The following EGFR variants were observed in gnomAD, a reference collection of about 807,000 sequenced individuals.
EGFR encodes avian erythroblastic leukemia viral (v-erb-b) oncogene homolog.
A neutral mutation model predicts 143.0 loss-of-function variants in EGFR; 58 were observed. The observed-to-expected ratio is 0.41, with a 90% CI of 0.33 to 0.50. The LOEUF (loss-of-function observed/expected upper bound fraction) is 0.50, where lower values mean the gene tolerates loss of function less well. Ranked by LOEUF, EGFR falls within the 20% of genes least tolerant of loss-of-function variation. The probability of loss-of-function intolerance (pLI) is 0.39; values close to 1 mark genes in which losing one functional copy is unlikely to be tolerated. For synonymous variants in EGFR, 613 were observed against 594.4 expected (o/e 1.03, Z -0.45); for missense variants, 1,307 against 1,579.0 (o/e 0.83, Z 2.92).
chr7:55,151,167 AC>A, intron 4 of EGFR, 126 bp from the exon 5 acceptor site: 1 of 963,324 alleles, frequency 1.0e-6, no homozygotes, highest in South Asian at 1.3e-5. Flanking sequence ...AGCCAGCCAA[AC>A]AATCAGAGAA....
At chr7:55,033,426 C>T (rs1787378106) in intron 1 of EGFR, among the ~76,000 whole-genome samples, 1 of 152,126 alleles carries the variant, frequency 6.6e-6, no homozygotes. Flanking sequence ...CTCAGGGCCC[C>T]CTGGGGACTG....
At chr7:55,156,136 G>C (rs1006103323) in intron 8 of EGFR, among the ~76,000 whole-genome samples, 190 bp downstream of exon 8, 19 of 152,234 alleles carry the variant, frequency 1.2e-4, no homozygotes, top group African/African-American at 4.6e-4. Flanking sequence ...TTGTGACGGG[G>C]TGGGGGGCTC....
intron 1 of EGFR, among the ~76,000 whole-genome samples, chr7:55,079,559 T>C (rs1192337077): frequency 6.6e-6 from 1 of 151,940 alleles, no homozygotes; most frequent in African/African-American, 2.4e-5. Context: ...CATTTTGAGA[T>C]TTTGTTCAGC....
At chr7:55,070,650 G>A (rs968925441) in intron 1 of EGFR, among the ~76,000 whole-genome samples, 8 of 152,204 alleles carry the variant, frequency 5.3e-5, no homozygotes, top group Non-Finnish European at 8.8e-5. Context: ...GTGCGCAGGC[G>A]ATTATTTGCA....
rs144700305 is a variant in EGFR at position 55,129,537 on chromosome 7, T to C, written c.89-12749T>C. Among the ~76,000 whole-genome samples, 1,310 of 152,184 alleles carry C rather than the reference T, an allele frequency of 8.6e-3. 15 individuals carry two copies. Among genetic ancestry groups the C allele is most frequent in the Non-Finnish European group, 0.014 (965 of 68,010 alleles). ...TGGTCCAGGAGGAGTGGACAACCATTTGGTAGAGTATGGGAAGGCAGGGGC... is the reference window on the plus strand; with the variant it reads ...TGGTCCAGGAGGAGTGGACAACCATCTGGTAGAGTATGGGAAGGCAGGGGC... On this transcript the variant is annotated intron_variant, in intron 1 of 27. Coordinates refer to ENST00000275493, the MANE Select transcript of EGFR (RefSeq NM_005228.5).
intron 1 of EGFR, among the ~76,000 whole-genome samples, chr7:55,092,635 C>A (rs1328749445): frequency 6.6e-6 from 1 of 152,202 alleles, no homozygotes; most frequent in African/African-American, 2.4e-5. Context: ...AACAAAATAG[C>A]TTTATGGAAT....
intron 21 of EGFR, among the ~76,000 whole-genome samples, chr7:55,192,423 A>G (rs1166476188): frequency 6.6e-6 from 1 of 151,834 alleles, no homozygotes; most frequent in Non-Finnish European, 1.5e-5. Flanking sequence ...CTGAGGTTTC[A>G]CTCTGGCCTG....
intron 1 of EGFR, among the ~76,000 whole-genome samples, chr7:55,032,133 G>A (rs1040174328): frequency 1.3e-5 from 2 of 152,140 alleles, no homozygotes; most frequent in Non-Finnish European, 2.9e-5. Flanking sequence ...TCTCACAATC[G>A]CCCTATGTCC....
Position 55,205,513 on chromosome 7 carries a change from T to C in EGFR, c.3529T>C (p.Phe1177Leu), listed in dbSNP as rs1788074933. Residue 1177 changes from phenylalanine (F) to leucine (L), a missense_variant, in exon 28 of 28, where the codon TTT becomes CTT. Physicochemically the swap from Phe to Leu is conservative, Grantham distance 22. Transcript: ENST00000275493. ...LDNPDYQQDF[F>L]PKEAKPNGIF... ...CAACCCTGACTACCAGCAGGACTTC[T>C]TTCCCAAGGAAGCCAAGCCAAATGG... 1.9e-6 allele frequency: 3 copies of C among 1,614,204 alleles called. No individual in the cohort carries two copies. Among genetic ancestry groups the C allele is most frequent in the Non-Finnish European group, 1.7e-6 (2 of 1,180,034 alleles).
chr7:55,073,424 A>G (rs1349542919), intron 1 of EGFR, among the ~76,000 whole-genome samples: 2 of 152,206 alleles, frequency 1.3e-5, no homozygotes, highest in Non-Finnish European at 2.9e-5. Context: ...CATGCTGGAA[A>G]GGCTTCTGCA....
intron 19 of EGFR, among the ~76,000 whole-genome samples, chr7:55,175,552 G>C (rs1235544323): frequency 1.3e-5 from 2 of 152,222 alleles, no homozygotes; most frequent in Non-Finnish European, 2.9e-5. Flanking sequence ...TGGGCTTGCT[G>C]TGAGTTGGTG....
intron 1 of EGFR, among the ~76,000 whole-genome samples, chr7:55,095,699 A>T (rs1350459320): frequency 6.9e-6 from 1 of 145,482 alleles, no homozygotes; most frequent in Admixed American, 7.1e-5. Context: ...ACACACGCAC[A>T]CAGCACACAG....
chr7:55,035,301 C>A (rs1787493276), intron 1 of EGFR, among the ~76,000 whole-genome samples: 2 of 152,046 alleles, frequency 1.3e-5, no homozygotes, highest in African/African-American at 4.8e-5. Flanking sequence ...ATATTTTGAT[C>A]TTATTTTTTC....
intron 1 of EGFR, among the ~76,000 whole-genome samples, chr7:55,028,714 C>T (rs1411083276): frequency 6.6e-6 from 1 of 152,102 alleles, no homozygotes; most frequent in Non-Finnish European, 1.5e-5. Flanking sequence ...CTTGCAAGAT[C>T]TAATGGCTCC....
chr7:55,040,453 G>A (rs1167551289), intron 1 of EGFR, among the ~76,000 whole-genome samples: 1 of 152,100 alleles, frequency 6.6e-6, no homozygotes, highest in African/African-American at 2.4e-5. Flanking sequence ...TTAGCAAGGA[G>A]CTTTGGTTAA....
At position 55,160,169 on chromosome 7, in the gene EGFR, G is replaced by T. The variant is rs2128941351; in HGVS notation, c.1329G>T (p.Leu443=). 1 of 1,614,172 alleles carries T rather than the reference G, an allele frequency of 6.2e-7. No homozygotes were observed. Among genetic ancestry groups the T allele is most frequent in the South Asian group, 1.1e-5 (1 of 91,072 alleles). ...HGQFSLAVVS[L]NITSLGLRSL... is the part of the protein sequence containing the mutation. ...AGTTTTCTCTTGCAGTCGTCAGCCTGAACATAACATCCTTGGGATTACGCT... is the reference window on the plus strand; with the variant it reads ...AGTTTTCTCTTGCAGTCGTCAGCCTTAACATAACATCCTTGGGATTACGCT... Residue 443 remains leucine, a synonymous_variant, in exon 12 of 28, where the codon CTG becomes CTT. Coordinates refer to ENST00000275493, the MANE Select transcript of EGFR (RefSeq NM_005228.5).
At chr7:55,158,355 G>A (rs1014834926) in intron 11 of EGFR, among the ~76,000 whole-genome samples, 2 of 152,114 alleles carry the variant, frequency 1.3e-5, no homozygotes. Context: ...AGTGAAACCC[G>A]CCTTGGAAGC....
chr7:55,021,294 C>T (rs1328073510), intron 1 of EGFR, among the ~76,000 whole-genome samples: 1 of 152,158 alleles, frequency 6.6e-6, no homozygotes, highest in Non-Finnish European at 1.5e-5. Context: ...GACTGCCGGT[C>T]CTGTTAGTCA....
chr7:55,061,593 C>T (rs567040369), intron 1 of EGFR, among the ~76,000 whole-genome samples: 13 of 147,850 alleles, frequency 8.8e-5, no homozygotes, highest in South Asian at 2.2e-4. Flanking sequence ...TTCCCTCCCA[C>T]GGATGACGGT....
Sources: gnomAD v4.1 joint callset for allele counts (sites outside exome capture counted in the v4.1 genomes callset) on GRCh38, gnomAD v4.1.1 for gene constraint, MANE v1.5 for transcripts, NCBI Gene and HGNC (gene_info 2026-07-23, HGNC 2026-07-21) for gene names.